Variants in COL21A1 observed in about 807,000 individuals in gnomAD.
The protein encoded by COL21A1 is collagen type XXI alpha 1 chain.
COL21A1 carries 149 observed loss-of-function variants against 137.9 expected under a neutral mutation model. The observed-to-expected ratio is 1.08, with a 90% CI of 0.95 to 1.24. The LOEUF is 1.24. Among genes scored for constraint, COL21A1 ranks in the 50% most tolerant of loss-of-function variants. The pLI is 0.00. For missense variants in COL21A1, 1,167 were observed against 1,158.4 expected (o/e 1.01, Z -0.11); for synonymous variants, 456 against 391.5 (o/e 1.16, Z -1.95).
At chr6:56,088,805 T>G in intron 17 of COL21A1, among the ~76,000 whole-genome samples, 1 of 152,144 alleles carries the variant, frequency 6.6e-6, no homozygotes, top group Non-Finnish European at 1.5e-5. Flanking sequence ...TTCTTTGAGA[T>G]AGTGTCTCAC....
chr6:56,095,785 C>T (rs12205903), intron 17 of COL21A1, among the ~76,000 whole-genome samples: 23,108 of 152,116 alleles, frequency 0.15, 1,780 homozygotes, highest in Middle Eastern at 0.22. Flanking sequence ...TTTTAAGAAG[C>T]CATCCCTATG....
In COL21A1 at chr6:56,124,650, G is replaced by T. The variant is rs150921805; in HGVS notation, c.1651-358C>A. Among the ~76,000 whole-genome samples, 20 of 151,948 alleles carry T rather than the reference G, an allele frequency of 1.3e-4. 1 individual carries two copies. The highest frequency in any genetic ancestry group is 3.9e-4 in the Admixed American group (6 of 15,244). On this transcript the variant is annotated intron_variant, in intron 14 of 29. Coordinates refer to ENST00000244728, the MANE Select transcript of COL21A1 (RefSeq NM_030820.4). Reference sequence around the variant, plus strand: ...ATGTTTTTTGTTTGTTTGTTTGTTTGTTTGTTTTTGAGACGGAGTCTCACT... The same window carrying T: ...ATGTTTTTTGTTTGTTTGTTTGTTTTTTTGTTTTTGAGACGGAGTCTCACT...
At chr6:56,307,799 C>T (rs1030105540) in intron 1 of COL21A1, among the ~76,000 whole-genome samples, 3 of 152,124 alleles carry the variant, frequency 2.0e-5, no homozygotes, top group Middle Eastern at 3.2e-3. Context: ...AGAAATCACC[C>T]GTCTTCTGCG....
chr6:56,304,105 T>C (rs1764372215), intron 1 of COL21A1, among the ~76,000 whole-genome samples: 1 of 152,218 alleles, frequency 6.6e-6, no homozygotes, highest in Non-Finnish European at 1.5e-5. Context: ...GTGGATAAGC[T>C]TTTTGACGTG....
At position 56,367,181 on chromosome 6, in the gene COL21A1, G is replaced by C. The variant is rs576809830; in HGVS notation, c.-39+26790C>G. Among the ~76,000 whole-genome samples the C allele has an allele frequency of 2.0e-5, 3 of 152,104 alleles. No individual in the cohort carries two copies. The East Asian group carries it at 5.8e-4, about 29-fold the overall frequency. ...AAAATGCCATTATTCACTGATTACTGTTCATATATAATATATGGGAAATCA... is the reference window on the plus strand; with the variant it reads ...AAAATGCCATTATTCACTGATTACTCTTCATATATAATATATGGGAAATCA... On this transcript the variant is annotated intron_variant, in intron 1 of 28. Transcript: ENST00000370819.
intron 1 of COL21A1, among the ~76,000 whole-genome samples, chr6:56,358,023 G>T (rs1765873904): frequency 6.6e-6 from 1 of 152,136 alleles, no homozygotes; most frequent in East Asian, 1.9e-4. Flanking sequence ...TCTGATAAAA[G>T]AATCAATGTC....
At chr6:56,074,881 A>C (rs898657288) in intron 19 of COL21A1, among the ~76,000 whole-genome samples, 14 of 151,446 alleles carry the variant, frequency 9.2e-5, no homozygotes, top group African/African-American at 2.9e-4. Flanking sequence ...GGGATTAAAA[A>C]ATTATATCAT....
At chr6:56,142,058 C>G in intron 10 of COL21A1, 75 bp from the exon 11 acceptor site, 2 of 1,092,662 alleles carry the variant, frequency 1.8e-6, no homozygotes, top group East Asian at 2.6e-5. Context: ...TTTCAGAATT[C>G]ACTCTTATCT....
At chr6:56,261,881 A>T (rs7759570) in intron 1 of COL21A1, among the ~76,000 whole-genome samples, 39,501 of 152,000 alleles carry the variant, frequency 0.26, 6,398 homozygotes, top group East Asian at 0.67. Context: ...GTGGTCTCTG[A>T]TCACTGCATC....
intron 1 of COL21A1, among the ~76,000 whole-genome samples, chr6:56,322,861 G>A (rs192067899): frequency 7.1e-6 from 1 of 140,528 alleles, no homozygotes; most frequent in African/African-American, 2.6e-5. Context: ...AGAGGTCGAT[G>A]GATCAAAACC....
chr6:56,109,601 G>A (rs950083438), intron 16 of COL21A1, among the ~76,000 whole-genome samples: 15 of 151,836 alleles, frequency 9.9e-5, no homozygotes, highest in Admixed American at 6.6e-4. Context: ...GAGGGGAAGA[G>A]TAGGAAATAT....
At chr6:56,106,960 T>A (rs1770982889) in intron 16 of COL21A1, among the ~76,000 whole-genome samples, 1 of 152,098 alleles carries the variant, frequency 6.6e-6, no homozygotes, top group Admixed American at 6.5e-5. Context: ...CTAATTTTTT[T>A]GTATTTTTAG....
chr6:56,347,517 T>TAAAA (rs373385667), intron 1 of COL21A1, among the ~76,000 whole-genome samples: 2 of 127,156 alleles, frequency 1.6e-5, no homozygotes, highest in Non-Finnish European at 1.6e-5. Context: ...AGGAAGCATT[T>TAAAA]AAAAAAAAAA....
chr6:56,340,689 A>G (rs944698587), intron 1 of COL21A1, among the ~76,000 whole-genome samples: 1 of 152,158 alleles, frequency 6.6e-6, no homozygotes, highest in South Asian at 2.1e-4. Flanking sequence ...TTAATACCTT[A>G]CTGAACACCT....
intron 1 of COL21A1, among the ~76,000 whole-genome samples, chr6:56,223,075 T>G (rs1199052964): frequency 6.6e-6 from 1 of 152,084 alleles, no homozygotes; most frequent in Non-Finnish European, 1.5e-5. Context: ...CTGGATAAGC[T>G]TTTATTGCTG....
intron 1 of COL21A1, among the ~76,000 whole-genome samples, chr6:56,297,472 T>C (rs144921196): frequency 2.0e-5 from 3 of 152,098 alleles, no homozygotes; most frequent in Non-Finnish European, 4.4e-5. Context: ...TGGGCCAACA[T>C]ACTCATTTTT....
intron 1 of COL21A1, among the ~76,000 whole-genome samples, chr6:56,271,324 C>A (rs1290678521): frequency 6.6e-6 from 1 of 152,154 alleles, no homozygotes; most frequent in Non-Finnish European, 1.5e-5. Flanking sequence ...GAGAGGGTAT[C>A]TGGCAAAGAA....
rs779440801 is a variant in COL21A1, at chr6:56,180,027, G to A, written c.191C>T (p.Thr64Ile). The A allele has an allele frequency of 6.2e-7, 1 of 1,613,630 alleles. No individual in the cohort carries two copies. Among genetic ancestry groups the A allele is most frequent in the Middle Eastern group, 1.6e-4 (1 of 6,062 alleles). Reference protein sequence around the residue: ...EIVKKWLVNITKNFDIGPKFI... With the variant: ...EIVKKWLVNIIKNFDIGPKFI... ...CTTCGGCCCTATGTCAAAGTTTTTT[G>A]TGATATTGACAAGCCACTTTTTCAC... Residue 64 changes from threonine (T) to isoleucine (I), a missense_variant, in exon 3 of 30, where the codon ACA (threonine) becomes ATA (isoleucine). Transcript: ENST00000244728.
intron 1 of COL21A1, among the ~76,000 whole-genome samples, chr6:56,277,116 A>G (rs1346046604): frequency 6.6e-6 from 1 of 151,978 alleles, no homozygotes; most frequent in Non-Finnish European, 1.5e-5. Context: ...CATCACACCC[A>G]GCCGGTTGTT....
Sources: allele counts gnomAD v4.1 joint callset (sites outside exome capture counted in the v4.1 genomes callset), GRCh38; gene constraint gnomAD v4.1.1; transcripts MANE v1.5; gene names NCBI Gene and HGNC (gene_info 2026-07-23, HGNC 2026-07-21).